WWOX: variants seen among roughly 807,000 people sequenced by gnomAD.
WWOX encodes the protein WW domain containing oxidoreductase.
Under a neutral mutation model 46.2 loss-of-function variants are expected in WWOX, and 69 were observed. The observed-to-expected ratio is 1.49, with a 90% CI of 1.23 to 1.82. The LOEUF (loss-of-function observed/expected upper bound fraction) is 1.82, where lower values mean the gene tolerates loss of function less well. WWOX is among the 40% of genes most tolerant of loss of function. The pLI is 0.00. For missense variants in WWOX, 919 were observed against 542.6 expected (o/e 1.69, Z -6.89); for synonymous variants, 359 against 202.6 (o/e 1.77, Z -6.56).
chr16:78,368,793 A>G (rs940579810), intron 5 of WWOX, among the ~76,000 whole-genome samples: 15 of 152,000 alleles, frequency 9.9e-5, no homozygotes, highest in Non-Finnish European at 1.2e-4. Flanking sequence ...CATTTGTCCC[A>G]TTGGGCCATG....
chr16:79,176,331 C>G (rs917798733), intron 8 of WWOX, among the ~76,000 whole-genome samples: 1 of 152,230 alleles, frequency 6.6e-6, no homozygotes, highest in African/African-American at 2.4e-5. Context: ...ATCCAGTCAT[C>G]TGGTATTTCT....
In WWOX at chr16:78,432,422, T is replaced by C. The variant is rs557654944; in HGVS notation, c.792-66T>C. The C allele has an allele frequency of 2.0e-5, 32 of 1,595,254 alleles. No homozygotes were observed. The African/African-American group carries it at 4.0e-4, about 20-fold the overall frequency. On this transcript the variant is annotated intron_variant, in intron 7 of 8. Transcript: ENST00000566780. ...CACCCAGCATTCCTTAGATTTCCAA[T>C]AAAAATAAAAAGCTGTGTGGGAAGT... is the stretch of plus-strand genomic sequence containing the variant.
intron 8 of WWOX, among the ~76,000 whole-genome samples, chr16:78,873,665 C>T (rs2044174502): frequency 6.6e-6 from 1 of 152,146 alleles, no homozygotes; most frequent in African/African-American, 2.4e-5. Flanking sequence ...TGTTGCATGC[C>T]TGTCATCCCA....
At chr16:78,469,163 C>G (rs960172585) in intron 8 of WWOX, among the ~76,000 whole-genome samples, 1 of 152,172 alleles carries the variant, frequency 6.6e-6, no homozygotes, top group African/African-American at 2.4e-5. Context: ...AAGAAGTCAC[C>G]ACATGCTTGT....
At chr16:78,802,171 G>C (rs908626690) in intron 8 of WWOX, among the ~76,000 whole-genome samples, 1 of 150,820 alleles carries the variant, frequency 6.6e-6, no homozygotes, top group Admixed American at 6.6e-5. Flanking sequence ...AACACAAAGA[G>C]CGAAGTTTGT....
chr16:79,008,122 C>T (rs983058194), intron 8 of WWOX, among the ~76,000 whole-genome samples: 1 of 152,110 alleles, frequency 6.6e-6, no homozygotes, highest in Non-Finnish European at 1.5e-5. Context: ...AATTCATTTT[C>T]TTGTAACTGT....
chr16:78,865,915 G>A (rs978375447), intron 8 of WWOX, among the ~76,000 whole-genome samples: 10 of 152,120 alleles, frequency 6.6e-5, no homozygotes, highest in African/African-American at 1.9e-4. Context: ...CTTTGTGATA[G>A]TTACTCAACA....
intron 8 of WWOX, among the ~76,000 whole-genome samples, chr16:78,629,500 C>T (rs1441284749): frequency 2.0e-5 from 3 of 152,180 alleles, no homozygotes; most frequent in Admixed American, 2.0e-4. Context: ...CCCTACTTGC[C>T]ACTCCCTGCT....
intron 8 of WWOX, among the ~76,000 whole-genome samples, chr16:78,943,324 G>A (rs529516334): frequency 1.4e-5 from 2 of 147,050 alleles, no homozygotes; most frequent in African/African-American, 2.7e-5. Context: ...AAAGCAACCC[G>A]AGATCCAAAC....
chr16:78,500,142 G>A (rs542483083), intron 8 of WWOX, among the ~76,000 whole-genome samples: 1 of 152,304 alleles, frequency 6.6e-6, no homozygotes, highest in South Asian at 2.1e-4. Flanking sequence ...CTCATTTTGA[G>A]CCAAGGATAG....
chr16:78,943,596 T>C (rs72806774), intron 8 of WWOX, among the ~76,000 whole-genome samples: 3,870 of 152,132 alleles, frequency 0.025, 64 homozygotes, highest in Middle Eastern at 0.068. Flanking sequence ...ACAAACAAAA[T>C]AGAGGGCGAT....
chr16:79,132,239 TGA>T (rs2049895060), intron 8 of WWOX, among the ~76,000 whole-genome samples: 1 of 152,158 alleles, frequency 6.6e-6, no homozygotes, highest in South Asian at 2.1e-4. Context: ...GAACTTTAGT[TGA>T]CTTTATAAGT....
At chr16:78,396,502 C>G (rs961773247) in intron 6 of WWOX, among the ~76,000 whole-genome samples, 1 of 152,154 alleles carries the variant, frequency 6.6e-6, no homozygotes, top group Non-Finnish European at 1.5e-5. Flanking sequence ...ACAACTTTCC[C>G]TTCCATAGAG....
chr16:79,076,245 C>T (rs1283873875), intron 8 of WWOX, among the ~76,000 whole-genome samples: 1 of 152,182 alleles, frequency 6.6e-6, no homozygotes, highest in Non-Finnish European at 1.5e-5. Context: ...CACACAGTGT[C>T]GTGTTTGCTC....
intron 8 of WWOX, chr16:79,090,040 G>C (rs1487816087): frequency 6.6e-6 from 1 of 152,196 alleles, no homozygotes; most frequent in Non-Finnish European, 1.5e-5. Context: ...GTGGGCAGGA[G>C]GCTGTTTTCA....
chr16:78,387,090 A>ATGATAC, intron 6 of WWOX, 142 bp downstream of exon 6: 2 of 794,806 alleles, frequency 2.5e-6, no homozygotes, highest in Admixed American at 2.0e-5. Context: ...GGCCCTGTTA[A>ATGATAC]GGTGAACCGT....
rs569753154 is a variant in WWOX, at chr16:78,425,177, G to C, written c.791+122G>C. 1.0e-4 allele frequency: 140 copies of C among 1,337,846 alleles called. 1 individual carries two copies. In the Middle Eastern group the frequency reaches 1.5e-3, roughly 15 times the overall value. 82.9% of individuals were successfully genotyped at this position (1,337,846 alleles called of 1,614,324 possible). On this transcript the variant is annotated intron_variant, in intron 7 of 8. Transcript: ENST00000566780. The stretch of plus-strand genomic sequence containing the variant: ...TGCTTGAGACATGTGGGTGGACTCA[G>C]CTTGGCTCACTTAATTTTTCCAGGT...
intron 8 of WWOX, among the ~76,000 whole-genome samples, chr16:78,611,237 G>A (rs2045893367): frequency 6.6e-6 from 1 of 152,144 alleles, no homozygotes; most frequent in African/African-American, 2.4e-5. Flanking sequence ...GAGACTTTTG[G>A]TGAAAGACAT....
At chr16:79,035,440 G>C (rs1258580886) in intron 8 of WWOX, among the ~76,000 whole-genome samples, 1 of 151,698 alleles carries the variant, frequency 6.6e-6, no homozygotes, top group South Asian at 2.1e-4. Context: ...CTAATGGTTT[G>C]TGATTTACCC....
Sources: allele counts gnomAD v4.1 joint callset (sites outside exome capture counted in the v4.1 genomes callset), GRCh38; gene constraint gnomAD v4.1.1; transcripts MANE v1.5; gene names NCBI Gene and HGNC (gene_info 2026-07-23, HGNC 2026-07-21).